The following RIN2 variants were observed in gnomAD, a reference collection of about 807,000 sequenced individuals.
The protein encoded by RIN2 is RAB5 interacting protein 2.
A neutral mutation model predicts 78.0 loss-of-function variants in RIN2; 36 were observed. The ratio of observed to expected loss-of-function variants is 0.46; its 90% CI spans 0.35 to 0.61. RIN2 has a LOEUF of 0.61. Ranked by LOEUF, RIN2 falls within the 20% of genes least tolerant of loss-of-function variation. The pLI, the probability that RIN2 is intolerant of heterozygous loss-of-function variation, is 0.00. For synonymous variants in RIN2, 466 were observed against 466.8 expected, an observed-to-expected ratio of 1.00 and a Z score of 0.02; for missense variants, 1,087 against 1,159.7, an observed-to-expected ratio of 0.94 and a Z score of 0.91.
intron 9 of RIN2, among the ~76,000 whole-genome samples, chr20:19,980,548 T>C (rs948426286): frequency 6.6e-6 from 1 of 152,166 alleles, no homozygotes; most frequent in African/African-American, 2.4e-5. Context: ...CTCCAGAGTA[T>C]TTTTTGACCA....
chr20:19,835,998 T>C (rs1026054167), intron 2 of RIN2, among the ~76,000 whole-genome samples: 11 of 152,174 alleles, frequency 7.2e-5, no homozygotes, highest in Admixed American at 1.3e-4. Context: ...CTTTGTTCCT[T>C]TGGGGCATGG....
intron 2 of RIN2, among the ~76,000 whole-genome samples, chr20:19,833,989 C>A (rs1179363654): frequency 6.6e-6 from 1 of 152,114 alleles, no homozygotes; most frequent in Non-Finnish European, 1.5e-5. Context: ...ATCGCCTGCA[C>A]AAGGATCCCC....
At chr20:19,992,400 G>A in intron 11 of RIN2, 101 bp downstream of exon 11, 1 of 1,178,344 alleles carries the variant, frequency 8.5e-7, no homozygotes, top group Non-Finnish European at 1.2e-6. Context: ...TCATTTTACA[G>A]TGAATAATTC....
At chr20:19,949,251 C>A (rs1287248527) in intron 4 of RIN2, among the ~76,000 whole-genome samples, 1 of 152,240 alleles carries the variant, frequency 6.6e-6, no homozygotes, top group Admixed American at 6.5e-5. Context: ...CATTGCACTT[C>A]AGCCTGGGTG....
intron 2 of RIN2, among the ~76,000 whole-genome samples, chr20:19,854,276 A>G (rs2037090309): frequency 2.0e-5 from 3 of 152,208 alleles, no homozygotes; most frequent in Admixed American, 1.3e-4. Context: ...TGTTTTGGTT[A>G]CTGTAGCCTT....
chr20:19,818,292 T>A (rs767144089), intron 2 of RIN2, among the ~76,000 whole-genome samples: 1 of 152,246 alleles, frequency 6.6e-6, no homozygotes, highest in Non-Finnish European at 1.5e-5. Flanking sequence ...TGAAATGTCA[T>A]TGTACAAGGC....
chr20:19,852,711 C>A (rs1171920228), intron 2 of RIN2, among the ~76,000 whole-genome samples: 1 of 152,074 alleles, frequency 6.6e-6, no homozygotes, highest in Non-Finnish European at 1.5e-5. Flanking sequence ...TACATTAGTC[C>A]TTTACATACA....
chr20:19,786,187 T>C (rs1169839819), intron 1 of RIN2, among the ~76,000 whole-genome samples: 3 of 152,076 alleles, frequency 2.0e-5, no homozygotes, highest in Non-Finnish European at 4.4e-5. Context: ...TCTGAGTGGG[T>C]TTGTGTCTCA....
chr20:19,884,909 A>T (rs2038132619), intron 2 of RIN2, among the ~76,000 whole-genome samples: 1 of 152,218 alleles, frequency 6.6e-6, no homozygotes, highest in East Asian at 1.9e-4. Context: ...ACTTGACCTG[A>T]CAGGTCCTCT....
chr20:19,803,082 AAGG>A (rs2035297042), intron 2 of RIN2, among the ~76,000 whole-genome samples: 2 of 152,288 alleles, frequency 1.3e-5, no homozygotes, highest in African/African-American at 4.8e-5. Flanking sequence ...ATTAGTGAAA[AAGG>A]CCAGCACTGC....
intron 3 of RIN2, among the ~76,000 whole-genome samples, chr20:19,920,336 A>G (rs2754071): frequency 0.66 from 98,939 of 150,754 alleles, 32,973 homozygotes; most frequent in East Asian, 0.92. Flanking sequence ...CCCTTGTGGT[A>G]CTTCAATCAT....
At chr20:19,915,697 C>T (rs759129168) in intron 3 of RIN2, among the ~76,000 whole-genome samples, 1 of 152,144 alleles carries the variant, frequency 6.6e-6, no homozygotes, top group Admixed American at 6.5e-5. Flanking sequence ...TTCACAAGAC[C>T]GAAAATGGCT....
At chr20:19,821,140 C>T (rs1486670092) in intron 2 of RIN2, among the ~76,000 whole-genome samples, 2 of 152,196 alleles carry the variant, frequency 1.3e-5, no homozygotes, top group African/African-American at 4.8e-5. Flanking sequence ...CCACCCCTGA[C>T]TGTGTGTCTC....
chr20:19,833,458 G>A (rs759347547), intron 2 of RIN2, among the ~76,000 whole-genome samples: 26 of 151,920 alleles, frequency 1.7e-4, no homozygotes, highest in Non-Finnish European at 2.8e-4. Flanking sequence ...TCCCCTTCCC[G>A]TGTCCACATA....
rs1285552085 is a variant in RIN2, at chr20:19,956,738, C to T, written c.282C>T (p.His94=). 1 of 1,609,672 alleles carries T rather than the reference C, an allele frequency of 6.2e-7. No homozygotes were observed. Among genetic ancestry groups the T allele is most frequent in the Non-Finnish European group, 8.5e-7 (1 of 1,178,108 alleles). Residue 94 remains histidine (H), a synonymous_variant, in exon 5 of 13, where the codon CAC becomes CAT. Coordinates refer to ENST00000255006, the MANE Select transcript of RIN2 (RefSeq NM_018993.4). ...LSILDRLLHT[H]PIWLQLSLSE... ...TCTTGGACCGGCTCCTCCACACCCACCCCATATGGCTGCAGCTGAGTCTGA... is the reference window on the plus strand; with the variant it reads ...TCTTGGACCGGCTCCTCCACACCCATCCCATATGGCTGCAGCTGAGTCTGA...
At chr20:19,763,609 A>G (rs1568730050) in intron 1 of RIN2, among the ~76,000 whole-genome samples, 2 of 152,320 alleles carry the variant, frequency 1.3e-5, no homozygotes, top group East Asian at 3.9e-4. Flanking sequence ...TAGTTAGGTG[A>G]AAGTTTAAAC....
intron 2 of RIN2, among the ~76,000 whole-genome samples, chr20:19,835,680 G>A (rs141319158): frequency 1.7e-3 from 257 of 151,916 alleles, no homozygotes; most frequent in African/African-American, 5.1e-3. Flanking sequence ...CCTGAAATTC[G>A]GGCCTGCATT....
intron 1 of RIN2, among the ~76,000 whole-genome samples, chr20:19,777,479 TA>T (rs1449922566): frequency 6.6e-6 from 1 of 152,230 alleles, no homozygotes; most frequent in Non-Finnish European, 1.5e-5. Context: ...CCAGTTACTA[TA>T]AAACTGACCC....
At position 19,990,328 on chromosome 20, in the gene RIN2, C is replaced by G. The variant is rs977904744; in HGVS notation, c.2068+17C>G. 3.8e-6 allele frequency: 6 copies of G among 1,594,446 alleles called. No homozygotes were observed. The highest frequency in any genetic ancestry group is 4.3e-6 in the Non-Finnish European group (5 of 1,166,866). ...ACAACTCAGGTGAGGCCGCTGGAAG[C>G]CCAGGCTTCGTGCCGCTTCCCTTCC... On this transcript the variant is annotated intron_variant, in intron 10 of 12. Coordinates refer to ENST00000255006, the MANE Select transcript of RIN2 (RefSeq NM_018993.4).
Sources: allele counts gnomAD v4.1 joint callset (sites outside exome capture counted in the v4.1 genomes callset), GRCh38; gene constraint gnomAD v4.1.1; transcripts MANE v1.5; gene names NCBI Gene and HGNC (gene_info 2026-07-23, HGNC 2026-07-21).